BRAP: variants seen among roughly 807,000 people sequenced by gnomAD.
BRAP encodes BRCA1 associated protein.
BRAP carries 42 observed loss-of-function variants against 73.4 expected under a neutral mutation model. The ratio of observed to expected loss-of-function variants is 0.57; its 90% confidence interval spans 0.45 to 0.74. The LOEUF (loss-of-function observed/expected upper bound fraction) is 0.74. Ranked by LOEUF, BRAP falls within the 30% of genes least tolerant of loss-of-function variation. The pLI is 0.00. For synonymous variants in BRAP, 255 were observed against 267.4 expected (o/e 0.95, Z 0.45); for missense variants, 593 against 751.4 (o/e 0.79, Z 2.46).
chr12:111,683,006 C>G (rs1312426799), intron 2 of BRAP, 140 bp downstream of exon 2: 4 of 860,376 alleles, frequency 4.6e-6, no homozygotes, highest in East Asian at 2.6e-5. Context: ...TGTGGCTTAA[C>G]AGTGTCATAT....
At chr12:111,663,661 A>G (rs902717341) in intron 6 of BRAP, among the ~76,000 whole-genome samples, 6 of 151,802 alleles carry the variant, frequency 4.0e-5, no homozygotes, top group African/African-American at 1.5e-4. Context: ...CTCTCTTCCA[A>G]TCTCCACCCT....
intron 10 of BRAP, among the ~76,000 whole-genome samples, chr12:111,651,194 C>T (rs552141009): frequency 2.0e-5 from 3 of 147,256 alleles, no homozygotes; most frequent in East Asian, 1.9e-4. Context: ...TTCCATACAG[C>T]CTGCCTAGCA....
At chr12:111,648,341 C>T (rs55807510) in intron 11 of BRAP, among the ~76,000 whole-genome samples, 11 of 141,768 alleles carry the variant, frequency 7.8e-5, no homozygotes, top group African/African-American at 1.1e-4. Flanking sequence ...GGGCTGGGCA[C>T]GGTGGCTCAC....
At chr12:111,684,826 G>A (rs1162641304) in intron 1 of BRAP, among the ~76,000 whole-genome samples, 1 of 151,996 alleles carries the variant, frequency 6.6e-6, no homozygotes, top group Non-Finnish European at 1.5e-5. Context: ...CTGTCACCAC[G>A]CCCAGCTAAT....
Position 111,665,632 on chromosome 12 carries a change from C to T in BRAP, c.896+7G>A, listed in dbSNP as rs760596788. ...TGTACACAGAGGGGTTCGGCCCCTG[C>T]ACTCACGTGGTATCGTCCCAGCGCT... On this transcript the variant is annotated splice_region_variant and intron_variant, in intron 6 of 11. Transcript: ENST00000419234. This position sits in a 1 kb window ranked among gnomAD's most constrained non-coding sequence, Gnocchi z 4.3. The T allele has an allele frequency of 6.2e-7, 1 of 1,614,124 alleles. No individual in the cohort carries two copies. The highest frequency in any genetic ancestry group is 8.5e-7 in the Non-Finnish European group (1 of 1,179,992).
chr12:111,648,630 T>C (rs1211162630), intron 11 of BRAP, among the ~76,000 whole-genome samples: 1 of 140,490 alleles, frequency 7.1e-6, no homozygotes, highest in Admixed American at 7.3e-5. Context: ...CAAGACTCTG[T>C]CTAAAAATAA....
Position 111,681,523 on chromosome 12 carries a change from T to C in BRAP, c.443+114A>G, listed in dbSNP as rs1887598833. On this transcript the variant is annotated intron_variant, in intron 3 of 11. Transcript: ENST00000419234. ...TAACATACAACAGACAAAAGTATTA[T>C]TATTTTGAAGCTTAAAATACCCACT... 5.0e-6 allele frequency: 4 copies of C among 798,282 alleles called. No individual in the cohort carries two copies. In the African/African-American group the frequency reaches 5.3e-5, roughly 10 times the overall value. The allele number at this position is 798,282 out of a possible 1,614,324, so 49.4% of individuals were successfully genotyped here.
chr12:111,663,456 A>AAAT (rs974004568), intron 6 of BRAP, among the ~76,000 whole-genome samples: 13 of 152,224 alleles, frequency 8.5e-5, no homozygotes, highest in African/African-American at 9.6e-5. Context: ...CCATCTCAAA[A>AAAT]AATAATAATA....
intron 11 of BRAP, among the ~76,000 whole-genome samples, chr12:111,648,813 G>C (rs1346517936): frequency 6.6e-6 from 1 of 150,984 alleles, no homozygotes; most frequent in Non-Finnish European, 1.5e-5. Context: ...TGTAGTCCCA[G>C]CTATTGGGAG....
In BRAP at chr12:111,665,872, GCTCT is replaced by G; in HGVS notation, c.748-89_748-86del. ...CTTCTTTTTTCTGAGACAGGGTCTC[GCTCT>G]CTGTCACCCACGCTGGAGCCCAGTG... On this transcript the variant is annotated intron_variant, in intron 5 of 11. Transcript: ENST00000419234. This position sits in a 1 kb window ranked among gnomAD's most constrained non-coding sequence, Gnocchi z 4.3. The G allele has an allele frequency of 6.5e-7, 1 of 1,540,908 alleles. No homozygotes were observed. Among genetic ancestry groups the G allele is most frequent in the Non-Finnish European group, 8.9e-7 (1 of 1,129,448 alleles).
At chr12:111,648,644 T>C (rs1331164752) in intron 11 of BRAP, among the ~76,000 whole-genome samples, 2 of 143,438 alleles carry the variant, frequency 1.4e-5, no homozygotes, top group African/African-American at 5.3e-5. Flanking sequence ...AAAATAAAGA[T>C]GGGCTGGGCA....
rs1885991423 is a variant in BRAP at position 111,643,805 on chromosome 12, G to C, written c.*394C>G. The C allele has an allele frequency of 5.3e-6, 1 of 187,084 alleles. No individual in the cohort carries two copies. Among genetic ancestry groups the C allele is most frequent in the Non-Finnish European group, 1.1e-5 (1 of 89,334 alleles). The allele number at this position is 187,084 out of a possible 1,614,324, so 11.6% of individuals were successfully genotyped here. On this transcript the variant is annotated 3_prime_UTR_variant, in exon 12 of 12. Transcript: ENST00000419234. ...GCCCTCAGAGAGGTTTGGTGCTTTA[G>C]TGCTAGATAACCTTACCTTTGAGGT... is the stretch of plus-strand genomic sequence containing the variant.
At chr12:111,650,671 G>A (rs770969053) in intron 10 of BRAP, among the ~76,000 whole-genome samples, 5 of 152,242 alleles carry the variant, frequency 3.3e-5, no homozygotes, top group Non-Finnish European at 5.9e-5. Context: ...GGGATTACAG[G>A]CATGAGCCAC....
intron 9 of BRAP, among the ~76,000 whole-genome samples, chr12:111,657,031 G>C (rs1886561842): frequency 6.6e-6 from 1 of 152,090 alleles, no homozygotes; most frequent in African/African-American, 2.4e-5. Flanking sequence ...AAGCCACCAT[G>C]CCTGGCCAAT....
At chr12:111,669,986 T>C in intron 5 of BRAP, 1 of 652,712 alleles carries the variant, frequency 1.5e-6, no homozygotes, top group South Asian at 1.5e-5. Flanking sequence ...CCTTCCAATA[T>C]TCTTCATCTT....
At chr12:111,649,873 C>A in intron 11 of BRAP, 66 bp downstream of exon 11, 1 of 1,143,496 alleles carries the variant, frequency 8.7e-7, no homozygotes, top group Non-Finnish European at 1.3e-6. Flanking sequence ...AGGGTGTTTC[C>A]ATAGGAATGA....
At chr12:111,683,124 T>C in intron 2 of BRAP, 22 bp downstream of exon 2, 1 of 1,606,594 alleles carries the variant, frequency 6.2e-7, no homozygotes, top group East Asian at 2.2e-5. Flanking sequence ...CAAAAGAGAG[T>C]CCAGGGTTTT....
rs367618606 is a variant in BRAP, at chr12:111,660,591, A to G, written c.972+9T>C. On this transcript the variant is annotated intron_variant, in intron 7 of 11. Coordinates refer to ENST00000419234, the MANE Select transcript of BRAP (RefSeq NM_006768.5). ...CATTCTTTGTTCTTTTCCATCACCCATTACTTACTTCCTGAACACCACACT... is the reference window on the plus strand; with the variant it reads ...CATTCTTTGTTCTTTTCCATCACCCGTTACTTACTTCCTGAACACCACACT... 1 of 1,597,056 alleles carries G rather than the reference A, an allele frequency of 6.3e-7. No individual in the cohort carries two copies. Among genetic ancestry groups the G allele is most frequent in the African/African-American group, 1.3e-5 (1 of 74,494 alleles).
intron 10 of BRAP, among the ~76,000 whole-genome samples, chr12:111,651,876 T>G (rs557585382): frequency 6.6e-6 from 1 of 152,170 alleles, no homozygotes; most frequent in South Asian, 2.1e-4. Context: ...GACCTCATGA[T>G]CTGCCCGCCT....
Sources: gnomAD v4.1 joint callset for allele counts (sites outside exome capture counted in the v4.1 genomes callset) on GRCh38, gnomAD v4.1.1 for gene constraint, Gnocchi (gnomAD v3.1) non-coding constraint, MANE v1.5 for transcripts, NCBI Gene and HGNC (gene_info 2026-07-23, HGNC 2026-07-21) for gene names.